SAMMSON: variants seen among roughly 807,000 people sequenced by gnomAD.
The protein encoded by SAMMSON is long intergenic non-protein coding RNA 1212.
intron 1 of SAMMSON, among the ~76,000 whole-genome samples, chr3:70,010,017 C>A (rs1208030091): frequency 2.0e-5 from 3 of 151,020 alleles, no homozygotes; most frequent in Admixed American, 6.6e-5. Context: ...TTTGTTATAA[C>A]TTCTGTTCTT....
chr3:70,281,381 G>A (rs541167346), intron 6 of SAMMSON, among the ~76,000 whole-genome samples: 38 of 152,212 alleles, frequency 2.5e-4, no homozygotes, highest in Admixed American at 1.7e-3. Flanking sequence ...TAATGGGTAC[G>A]ATCATAAGCT....
intron 7 of SAMMSON, among the ~76,000 whole-genome samples, chr3:70,320,766 A>G (rs1399250935): frequency 1.3e-5 from 2 of 152,110 alleles, no homozygotes; most frequent in Non-Finnish European, 2.9e-5. Context: ...TGGAATTGGG[A>G]TGCAATCCAT....
chr3:70,173,254 A>G (rs547990589), intron 4 of SAMMSON, among the ~76,000 whole-genome samples: 7 of 152,038 alleles, frequency 4.6e-5, no homozygotes, highest in Admixed American at 2.6e-4. Context: ...TTTTCAGCAG[A>G]CTATTTTACC....
In SAMMSON at chr3:70,324,149, ATCTC is replaced by A. The variant is rs1476437651; in HGVS notation, n.740-30022_740-30019del. ...AAATCCCTGTAACAGACCCCTTTAC[ATCTC>A]TCTATCTATCTATCTATCTATCTAT... On this transcript the variant is annotated intron_variant and non_coding_transcript_variant, in intron 7 of 9. Coordinates refer to ENST00000642114, the Ensembl canonical transcript of SAMMSON. 1.7e-4 allele frequency among the ~76,000 whole-genome samples: 24 copies of A among 137,178 alleles called. No individual in the cohort carries two copies. In the East Asian group the frequency reaches 4.5e-3, roughly 26 times the overall value. 90.0% of individuals were successfully genotyped at this position (137,178 alleles called of 152,430 possible).
Position 70,100,617 on chromosome 3 carries a change from T to C in SAMMSON, n.507+29052T>C, listed in dbSNP as rs77556095. Among the ~76,000 whole-genome samples, 1,654 of 152,126 alleles carry C rather than the reference T, an allele frequency of 0.011. 175 individuals carry two copies. In the East Asian group the frequency reaches 0.26, roughly 24 times the overall value. On this transcript the variant is annotated intron_variant and non_coding_transcript_variant, in intron 4 of 9. Coordinates refer to ENST00000642114, the Ensembl canonical transcript of SAMMSON. Reference sequence around the variant, plus strand: ...TTCTTTCCCAAGAATCTTTTCCAAATGGAACTCATCGAAGAACTTCCAATT... The same window carrying C: ...TTCTTTCCCAAGAATCTTTTCCAAACGGAACTCATCGAAGAACTTCCAATT...
intron 4 of SAMMSON, chr3:70,125,713 A>G (rs199904328): frequency 4.4e-6 from 3 of 683,226 alleles, no homozygotes; most frequent in South Asian, 1.6e-5. Context: ...TAACAGCACT[A>G]GATGTAAACT....
chr3:70,070,507 A>C (rs528870003), intron 3 of SAMMSON, among the ~76,000 whole-genome samples: 1 of 152,110 alleles, frequency 6.6e-6, no homozygotes, highest in African/African-American at 2.4e-5. Context: ...TTTGCCAAAT[A>C]TCTTACTCTT....
At chr3:70,424,679 ACT>A (rs1255151403) in intron 2 of SAMMSON, 1 of 152,194 alleles carries the variant, frequency 6.6e-6, no homozygotes, top group Non-Finnish European at 1.5e-5. Context: ...TTAAAAAAGG[ACT>A]GTTCTAGATT....
intron 4 of SAMMSON, among the ~76,000 whole-genome samples, chr3:70,143,528 TC>T (rs2067536140): frequency 6.6e-6 from 1 of 152,146 alleles, no homozygotes; most frequent in Non-Finnish European, 1.5e-5. Flanking sequence ...TCTACCCTGT[TC>T]CTGGCTCCAG....
At chr3:70,357,031 C>G (rs1702835305) in intron 8 of SAMMSON, among the ~76,000 whole-genome samples, 1 of 152,132 alleles carries the variant, frequency 6.6e-6, no homozygotes, top group African/African-American at 2.4e-5. Context: ...AGCCTGTAAT[C>G]TAGAGAAGAA....
At chr3:70,414,711 C>T (rs1485135607) in intron 2 of SAMMSON, among the ~76,000 whole-genome samples, 2 of 152,098 alleles carry the variant, frequency 1.3e-5, no homozygotes, top group Non-Finnish European at 2.9e-5. Flanking sequence ...TCTGTTTTCT[C>T]ATTTGTAAAA....
intron 1 of SAMMSON, among the ~76,000 whole-genome samples, chr3:70,006,460 A>T (rs990084376): frequency 1.3e-5 from 2 of 152,144 alleles, no homozygotes; most frequent in Non-Finnish European, 2.9e-5. Context: ...AGACTCAGAG[A>T]TGAAGTAAGT....
chr3:70,325,148 T>C (rs981030657), intron 7 of SAMMSON, among the ~76,000 whole-genome samples: 1 of 152,166 alleles, frequency 6.6e-6, no homozygotes, highest in African/African-American at 2.4e-5. Context: ...CTCTTGGTGA[T>C]GCAAGCAGTG....
intron 2 of SAMMSON, among the ~76,000 whole-genome samples, chr3:70,416,751 C>A (rs1027960957): frequency 1.3e-5 from 2 of 151,988 alleles, no homozygotes; most frequent in Admixed American, 6.5e-5. Flanking sequence ...CCAGCATGAA[C>A]CCCTTTAAAT....
intron 6 of SAMMSON, among the ~76,000 whole-genome samples, chr3:70,258,832 G>A (rs558569860): frequency 6.6e-6 from 1 of 152,070 alleles, no homozygotes; most frequent in South Asian, 2.1e-4. Context: ...ACACAAAAAC[G>A]CTGAGAGCAG....
downstream of SAMMSON, among the ~76,000 whole-genome samples, chr3:70,393,198 A>G (rs1701063906): frequency 2.0e-5 from 3 of 152,178 alleles, no homozygotes; most frequent in South Asian, 2.1e-4. Context: ...TTATTGGCAC[A>G]TGTTTTCTGC....
chr3:70,198,147 T>C (rs1314537093), intron 4 of SAMMSON, among the ~76,000 whole-genome samples: 1 of 152,196 alleles, frequency 6.6e-6, no homozygotes, highest in Admixed American at 6.5e-5. Flanking sequence ...TATTACCTAA[T>C]TAATTAAAAT....
Position 70,105,634 on chromosome 3 carries a change from T to C in SAMMSON, n.507+34069T>C, listed in dbSNP as rs150432669. 1.8e-3 allele frequency among the ~76,000 whole-genome samples: 277 copies of C among 152,302 alleles called. 4 individuals are homozygous for C. Among genetic ancestry groups the C allele is most frequent in the African/African-American group, 6.4e-3 (267 of 41,574 alleles). On this transcript the variant is annotated intron_variant and non_coding_transcript_variant, in intron 4 of 9. Coordinates refer to ENST00000642114, the Ensembl canonical transcript of SAMMSON. ...GGCATTTTTAGCAAATTGGACCCCA[T>C]TTCAATCTTGATGAAACTTGATGAC...
chr3:70,216,305 A>T (rs1223667727), intron 4 of SAMMSON, among the ~76,000 whole-genome samples: 1 of 150,366 alleles, frequency 6.7e-6, no homozygotes, highest in African/African-American at 2.4e-5. Context: ...TTAATACTAC[A>T]TATTCTAATT....
Sources: allele counts gnomAD v4.1 joint callset (sites outside exome capture counted in the v4.1 genomes callset), GRCh38; gene constraint gnomAD v4.1.1; transcripts MANE v1.5; gene names NCBI Gene and HGNC (gene_info 2026-07-23, HGNC 2026-07-21).